Variants in RABGAP1L observed in about 807,000 individuals in gnomAD.
The protein encoded by RABGAP1L is rab GTPase-activating protein 1-like.
A neutral mutation model predicts 137.7 loss-of-function variants in RABGAP1L; 63 were observed. The ratio of observed to expected loss-of-function variants is 0.46; its 90% CI spans 0.37 to 0.56. The LOEUF (loss-of-function observed/expected upper bound fraction) is 0.56, where lower values mean the gene tolerates loss of function less well. Ranked by LOEUF, RABGAP1L falls within the 20% of genes least tolerant of loss-of-function variation. RABGAP1L has a pLI of 0.00. For synonymous variants in RABGAP1L, 431 were observed against 433.7 expected (o/e 0.99, Z 0.08); for missense variants, 1,095 against 1,244.0 (o/e 0.88, Z 1.80).
At chr1:174,911,648 T>C (rs1267651108) in intron 19 of RABGAP1L, among the ~76,000 whole-genome samples, 2 of 152,234 alleles carry the variant, frequency 1.3e-5, no homozygotes, top group Admixed American at 6.5e-5. Context: ...ATTATTGTTA[T>C]AGAAGTTAAA....
chr1:174,877,760 C>A (rs1653387223), intron 19 of RABGAP1L, among the ~76,000 whole-genome samples: 1 of 152,194 alleles, frequency 6.6e-6, no homozygotes, highest in South Asian at 2.1e-4. Context: ...ACTCATATAA[C>A]AGTAGCACAC....
chr1:174,498,653 C>T (rs545736059), intron 13 of RABGAP1L, among the ~76,000 whole-genome samples: 155 of 150,572 alleles, frequency 1.0e-3, no homozygotes, highest in Middle Eastern at 6.8e-3. Context: ...CATGCCACCA[C>T]GCCCGGCTAA....
chr1:174,204,765 G>A (rs561515277), intron 1 of RABGAP1L, among the ~76,000 whole-genome samples: 1 of 152,292 alleles, frequency 6.6e-6, no homozygotes, highest in African/African-American at 2.4e-5. Context: ...TCTCATGGTA[G>A]TGAGTGAGTT....
intron 18 of RABGAP1L, among the ~76,000 whole-genome samples, chr1:174,788,124 C>A (rs1259545619): frequency 6.6e-6 from 1 of 152,138 alleles, no homozygotes; most frequent in Non-Finnish European, 1.5e-5. Flanking sequence ...ATAGTGATAC[C>A]AGACCAGCTT....
chr1:174,309,971 G>A (rs1444016746), intron 11 of RABGAP1L, among the ~76,000 whole-genome samples: 3 of 152,090 alleles, frequency 2.0e-5, no homozygotes, highest in East Asian at 1.9e-4. Context: ...AGAATTCAGC[G>A]ATGGAGCCAT....
At chr1:174,627,067 A>T (rs12064403) in intron 13 of RABGAP1L, among the ~76,000 whole-genome samples, 55,764 of 151,760 alleles carry the variant, frequency 0.37, 13,404 homozygotes, top group African/African-American at 0.69. Flanking sequence ...TAATACTTAT[A>T]AAGTTGAAAT....
At chr1:174,666,052 C>T (rs1431502508) in intron 14 of RABGAP1L, among the ~76,000 whole-genome samples, 1 of 152,134 alleles carries the variant, frequency 6.6e-6, no homozygotes, top group Non-Finnish European at 1.5e-5. Context: ...TCTTTTTATT[C>T]AGCTAATTGT....
intron 3 of RABGAP1L, among the ~76,000 whole-genome samples, chr1:174,224,102 A>G (rs1669982410): frequency 6.6e-6 from 1 of 152,218 alleles, no homozygotes; most frequent in African/African-American, 2.4e-5. Flanking sequence ...GAAGAAAACA[A>G]TGGAGCATAT....
Position 174,220,961 on chromosome 1 carries a change from T to C in RABGAP1L, c.139-11T>C. The C allele has an allele frequency of 6.3e-7, 1 of 1,584,044 alleles. No individual in the cohort carries two copies. Among genetic ancestry groups the C allele is most frequent in the Non-Finnish European group, 8.6e-7 (1 of 1,164,476 alleles). On this transcript the variant is annotated splice_polypyrimidine_tract_variant and intron_variant, in intron 2 of 25. Coordinates refer to ENST00000681986, the MANE Select transcript of RABGAP1L (RefSeq NM_001366446.1). Reference sequence around the variant, plus strand: ...TAGAATTGAAACAGAATTGTCTTGCTGTGTCTGTAGATAGTTTCTAATGGT... The same window carrying C: ...TAGAATTGAAACAGAATTGTCTTGCCGTGTCTGTAGATAGTTTCTAATGGT...
At chr1:174,920,369 T>C (rs6656665) in intron 19 of RABGAP1L, among the ~76,000 whole-genome samples, 89,946 of 151,978 alleles carry the variant, frequency 0.59, 29,521 homozygotes, top group African/African-American at 0.9. Flanking sequence ...TTAAAACCAT[T>C]AGAACTTGTA....
chr1:174,521,724 A>G (rs1663411846), intron 13 of RABGAP1L, among the ~76,000 whole-genome samples: 1 of 152,186 alleles, frequency 6.6e-6, no homozygotes, highest in South Asian at 2.1e-4. Context: ...CAAAAATCTG[A>G]TGTATATATC....
intron 7 of RABGAP1L, among the ~76,000 whole-genome samples, chr1:174,271,123 T>A (rs1193473331): frequency 1.3e-5 from 2 of 152,100 alleles, no homozygotes; most frequent in Non-Finnish European, 1.5e-5. Flanking sequence ...GTATAATTAT[T>A]TCTCTTGTAG....
chr1:174,664,865 G>A (rs1055573267), intron 14 of RABGAP1L, among the ~76,000 whole-genome samples: 1 of 150,194 alleles, frequency 6.7e-6, no homozygotes, highest in Non-Finnish European at 1.5e-5. Flanking sequence ...AGCCTCCCAA[G>A]TAGCTGGGAT....
chr1:174,558,962 T>C (rs747279005), intron 13 of RABGAP1L, among the ~76,000 whole-genome samples: 3 of 152,196 alleles, frequency 2.0e-5, no homozygotes, highest in Non-Finnish European at 4.4e-5. Context: ...AGGAATTACC[T>C]ATCTGGAAAT....
At chr1:174,819,848 T>C (rs1690836480) in intron 19 of RABGAP1L, among the ~76,000 whole-genome samples, 1 of 152,030 alleles carries the variant, frequency 6.6e-6, no homozygotes, top group Non-Finnish European at 1.5e-5. Context: ...GGAAAAGGAC[T>C]CTGAGGAGGT....
chr1:174,664,557 A>C (rs1676605849), intron 14 of RABGAP1L, among the ~76,000 whole-genome samples: 1 of 152,082 alleles, frequency 6.6e-6, no homozygotes, highest in South Asian at 2.1e-4. Flanking sequence ...TTATTTGAAA[A>C]AGTAACAGAA....
intron 19 of RABGAP1L, among the ~76,000 whole-genome samples, chr1:174,826,716 C>G (rs1691601324): frequency 6.6e-6 from 1 of 152,198 alleles, no homozygotes; most frequent in Non-Finnish European, 1.5e-5. Context: ...TGATAAATCT[C>G]TAATCTGTTC....
chr1:174,268,147 A>G (rs1302224604), intron 7 of RABGAP1L, among the ~76,000 whole-genome samples: 1 of 151,928 alleles, frequency 6.6e-6, no homozygotes. Context: ...ATTGCATTAT[A>G]GATTTTCTTA....
chr1:174,423,236 T>C (rs976818075), intron 13 of RABGAP1L, among the ~76,000 whole-genome samples: 3 of 152,194 alleles, frequency 2.0e-5, no homozygotes, highest in African/African-American at 7.2e-5. Context: ...TTTTTAATAT[T>C]GCACTATCTT....
Sources: allele counts gnomAD v4.1 joint callset (sites outside exome capture counted in the v4.1 genomes callset), GRCh38; gene constraint gnomAD v4.1.1; transcripts MANE v1.5; gene names NCBI Gene and HGNC (gene_info 2026-07-23, HGNC 2026-07-21).